Variants in ADAMTSL1 observed in about 807,000 individuals in gnomAD.
ADAMTSL1 encodes ADAMTS-like protein 1.
A neutral mutation model predicts 201.8 loss-of-function variants in ADAMTSL1; 126 were observed. The ratio of observed to expected loss-of-function variants is 0.62; its 90% confidence interval spans 0.54 to 0.72. ADAMTSL1 has a LOEUF of 0.72. Ranked by LOEUF, ADAMTSL1 falls within the 30% of genes least tolerant of loss-of-function variation. The probability of loss-of-function intolerance (pLI) is 0.00; values close to 1 mark genes in which losing one functional copy is unlikely to be tolerated. For missense variants in ADAMTSL1, 2,679 were observed against 2,277.8 expected (o/e 1.18, Z -3.59); for synonymous variants, 1,121 against 903.4 (o/e 1.24, Z -4.32).
chr9:18,503,815 G>C (rs982937365), intron 1 of ADAMTSL1, among the ~76,000 whole-genome samples: 1 of 152,092 alleles, frequency 6.6e-6, no homozygotes, highest in African/African-American at 2.4e-5. Flanking sequence ...TTCAAGTACA[G>C]GTTTTAAAAG....
At chr9:18,907,014 C>CT (rs1382614809) in intron 28 of ADAMTSL1, 102 bp downstream of exon 28, 10 of 1,349,280 alleles carry the variant, frequency 7.4e-6, no homozygotes, top group Non-Finnish European at 1.0e-5. Context: ...ATGGGGTCAG[C>CT]TTCCCCAGGG....
chr9:17,922,436 T>C (rs902007654), intron 1 of ADAMTSL1, among the ~76,000 whole-genome samples: 2 of 152,212 alleles, frequency 1.3e-5, no homozygotes, highest in African/African-American at 2.4e-5. Flanking sequence ...AAGTTTTTCA[T>C]TGCAGATTCC....
intron 2 of ADAMTSL1, among the ~76,000 whole-genome samples, chr9:18,247,582 T>C (rs1831305390): frequency 6.6e-6 from 1 of 152,120 alleles, no homozygotes; most frequent in African/African-American, 2.4e-5. Flanking sequence ...TGGGAAATGA[T>C]GGTTGTATTT....
At chr9:18,600,931 C>T (rs1192524979) in intron 4 of ADAMTSL1, among the ~76,000 whole-genome samples, 1 of 152,166 alleles carries the variant, frequency 6.6e-6, no homozygotes, top group East Asian at 1.9e-4. Flanking sequence ...TTCCAACCCC[C>T]ACATCATCTT....
chr9:18,500,038 A>C (rs1202360883), intron 1 of ADAMTSL1, among the ~76,000 whole-genome samples: 1 of 152,236 alleles, frequency 6.6e-6, no homozygotes, highest in African/African-American at 2.4e-5. Context: ...CATGTATTTG[A>C]TAACCTGTCC....
chr9:18,457,079 C>A (rs1038427196), intron 2 of ADAMTSL1, among the ~76,000 whole-genome samples: 1 of 152,106 alleles, frequency 6.6e-6, no homozygotes, highest in African/African-American at 2.4e-5. Flanking sequence ...CATTTTGTCA[C>A]CCCACATTTC....
intron 1 of ADAMTSL1, among the ~76,000 whole-genome samples, chr9:18,162,141 G>C (rs750552291): frequency 2.0e-5 from 3 of 152,036 alleles, no homozygotes; most frequent in Non-Finnish European, 4.4e-5. Context: ...GAAGATAACA[G>C]TTCTCATCTA....
intron 19 of ADAMTSL1, among the ~76,000 whole-genome samples, chr9:18,790,802 T>A (rs1821988915): frequency 6.6e-6 from 1 of 152,154 alleles, no homozygotes; most frequent in Non-Finnish European, 1.5e-5. Flanking sequence ...AGAAGTAAAG[T>A]AATAAATTTT....
At chr9:18,511,401 C>T (rs1818015976) in intron 2 of ADAMTSL1, among the ~76,000 whole-genome samples, 1 of 151,658 alleles carries the variant, frequency 6.6e-6, no homozygotes. Context: ...TGAAGGATGG[C>T]AGAATTTTTT....
intron 23 of ADAMTSL1, among the ~76,000 whole-genome samples, chr9:18,851,116 T>A (rs1222818323): frequency 6.6e-6 from 1 of 152,152 alleles, no homozygotes; most frequent in African/African-American, 2.4e-5. Context: ...ATTGTGAGTG[T>A]AAATTACTGA....
chr9:18,035,056 C>G (rs560331591), intron 1 of ADAMTSL1, among the ~76,000 whole-genome samples: 96 of 152,194 alleles, frequency 6.3e-4, no homozygotes, highest in Non-Finnish European at 1.2e-3. Context: ...CTATGGAGGA[C>G]TTTTTCTATA....
intron 4 of ADAMTSL1, among the ~76,000 whole-genome samples, chr9:18,591,398 T>C (rs1481759369): frequency 2.6e-5 from 4 of 152,172 alleles, no homozygotes; most frequent in Admixed American, 2.6e-4. Flanking sequence ...CACTTTCAGT[T>C]TGTGTGCCCT....
At chr9:17,953,815 T>C (rs1827826098) in intron 1 of ADAMTSL1, among the ~76,000 whole-genome samples, 1 of 152,208 alleles carries the variant, frequency 6.6e-6, no homozygotes, top group Non-Finnish European at 1.5e-5. Flanking sequence ...TAATTTTTTA[T>C]GCTGTTGATT....
intron 1 of ADAMTSL1, among the ~76,000 whole-genome samples, chr9:17,908,295 G>C (rs568751895): frequency 3.9e-5 from 6 of 152,230 alleles, no homozygotes; most frequent in Admixed American, 1.3e-4. Context: ...TTACCTAGGG[G>C]AGCTCTAGAA....
chr9:18,102,409 GT>G (rs1168602317), intron 1 of ADAMTSL1, among the ~76,000 whole-genome samples: 5 of 152,056 alleles, frequency 3.3e-5, no homozygotes, highest in Non-Finnish European at 5.9e-5. Flanking sequence ...GTATGTCAAG[GT>G]CTTATCTTAT....
intron 2 of ADAMTSL1, among the ~76,000 whole-genome samples, chr9:18,286,494 C>G (rs1277549121): frequency 1.3e-5 from 2 of 152,034 alleles, no homozygotes; most frequent in East Asian, 3.9e-4. Flanking sequence ...GCAAGAAATC[C>G]TTATAGCCCT....
intron 2 of ADAMTSL1, among the ~76,000 whole-genome samples, chr9:18,205,580 T>C (rs1020559172): frequency 3.9e-5 from 6 of 152,188 alleles, no homozygotes; most frequent in African/African-American, 1.4e-4. Flanking sequence ...GGGAACATGA[T>C]CAAGGTTCCA....
In ADAMTSL1 at chr9:18,485,812, G is replaced by C. The variant is rs112018392; in HGVS notation, c.63+11517G>C. Among the ~76,000 whole-genome samples the C allele has an allele frequency of 3.4e-3, 511 of 152,312 alleles. 5 individuals carry two copies. The highest frequency in any genetic ancestry group is 0.011 in the African/African-American group (472 of 41,576). On this transcript the variant is annotated intron_variant, in intron 1 of 28. Coordinates refer to ENST00000380548, the MANE Select transcript of ADAMTSL1 (RefSeq NM_001040272.6). ...CCCAGAAGCTCTGACCCAAGTTTTT[G>C]TTTTAGAAAGACAGCTGGGATGGCC... is the stretch of plus-strand genomic sequence containing the variant.
intron 1 of ADAMTSL1, among the ~76,000 whole-genome samples, chr9:18,498,559 A>G (rs1822657000): frequency 6.6e-6 from 1 of 152,098 alleles, no homozygotes; most frequent in African/African-American, 2.4e-5. Flanking sequence ...GCTGGTCTCA[A>G]AGTCTTGCCC....
Sources: gnomAD v4.1 joint callset for allele counts (sites outside exome capture counted in the v4.1 genomes callset) on GRCh38, gnomAD v4.1.1 for gene constraint, MANE v1.5 for transcripts, NCBI Gene and HGNC (gene_info 2026-07-23, HGNC 2026-07-21) for gene names.